ATXN7L1: variants seen among roughly 807,000 people sequenced by gnomAD.
ATXN7L1 encodes ataxin-7-like protein 1.
In ATXN7L1, 15 loss-of-function variants were observed where a neutral mutation model predicts 70.8. The observed-to-expected ratio is 0.21, with a 90% CI of 0.14 to 0.33. The LOEUF (loss-of-function observed/expected upper bound fraction) is 0.33, where lower values mean the gene tolerates loss of function less well. Ranked by LOEUF, ATXN7L1 falls within the 10% of genes least tolerant of loss-of-function variation. The probability of loss-of-function intolerance (pLI) is 1.00; values close to 1 mark genes in which losing one functional copy is unlikely to be tolerated. For missense variants in ATXN7L1, 975 were observed against 1,097.1 expected (o/e 0.89, Z 1.57); for synonymous variants, 440 against 445.1 (o/e 0.99, Z 0.14).
At chr7:105,827,780 A>C (rs547031374) in intron 2 of ATXN7L1, among the ~76,000 whole-genome samples, 26 of 152,304 alleles carry the variant, frequency 1.7e-4, no homozygotes, top group African/African-American at 6.3e-4. Flanking sequence ...TCTTGGGCTT[A>C]GTGGTTTTCC....
rs1563049227 is a variant in ATXN7L1, at chr7:105,733,674, C to CTATG, written c.355+54929_355+54930insCATA. Among the ~76,000 whole-genome samples the CTATG allele has an allele frequency of 3.3e-4, 42 of 126,774 alleles. 3 individuals are homozygous for CTATG. The highest frequency in any genetic ancestry group is 4.8e-4 in the Non-Finnish European group (28 of 57,986). 83.2% of individuals were successfully genotyped at this position (126,774 alleles called of 152,430 possible). A position where few individuals can be genotyped will look rare whatever the true frequency, so the allele number is the denominator to read the frequency against. ...TCCATCCATCCATCCATCCATCCAT[C>CTATG]CATCCACCCATCCACCCATCCATCC... is the stretch of plus-strand genomic sequence containing the variant. On this transcript the variant is annotated intron_variant, in intron 3 of 11. Coordinates refer to ENST00000419735, the MANE Select transcript of ATXN7L1 (RefSeq NM_020725.2).
At chr7:105,764,888 C>G (rs1308873652) in intron 3 of ATXN7L1, among the ~76,000 whole-genome samples, 1 of 151,476 alleles carries the variant, frequency 6.6e-6, no homozygotes, top group Non-Finnish European at 1.5e-5. Flanking sequence ...CTGGCTCAGG[C>G]TTTTAGGCTT....
chr7:105,637,112 G>A (rs1584441189), intron 7 of ATXN7L1, among the ~76,000 whole-genome samples: 2 of 152,152 alleles, frequency 1.3e-5, no homozygotes, highest in African/African-American at 4.8e-5. Context: ...ACGCCACGAT[G>A]GTGAGCATGA....
intron 2 of ATXN7L1, among the ~76,000 whole-genome samples, chr7:105,794,897 A>G (rs1473029616): frequency 2.6e-5 from 4 of 152,354 alleles, no homozygotes; most frequent in Non-Finnish European, 5.9e-5. Flanking sequence ...TTATAAATTT[A>G]TCACACTCTT....
intron 3 of ATXN7L1, among the ~76,000 whole-genome samples, chr7:105,779,527 T>C (rs750386238): frequency 6.6e-6 from 1 of 152,224 alleles, no homozygotes; most frequent in Non-Finnish European, 1.5e-5. Flanking sequence ...GGATAATCCT[T>C]CGTTAATCAG....
chr7:105,729,358 C>T lies in ATXN7L1; in HGVS notation c.355+59246G>A, dbSNP rs189775240. On this transcript the variant is annotated intron_variant, in intron 3 of 11. Coordinates refer to ENST00000419735, the MANE Select transcript of ATXN7L1 (RefSeq NM_020725.2). The stretch of plus-strand genomic sequence containing the variant: ...AAATGGAGGAGAAGATACAAATTTT[C>T]CTTGCAGAAAAATTCCAAATAATAT... 1.8e-3 allele frequency among the ~76,000 whole-genome samples: 265 copies of T among 150,980 alleles called. 1 individual carries two copies. Among genetic ancestry groups the T allele is most frequent in the African/African-American group, 6.2e-3 (257 of 41,206 alleles).
At chr7:105,707,034 C>T (rs963322251) in intron 3 of ATXN7L1, among the ~76,000 whole-genome samples, 2 of 152,202 alleles carry the variant, frequency 1.3e-5, no homozygotes, top group African/African-American at 4.8e-5. Flanking sequence ...TTGTTCCATG[C>T]AATGCACAGC....
chr7:105,774,260 T>A (rs1251033526), intron 3 of ATXN7L1, among the ~76,000 whole-genome samples: 1 of 152,056 alleles, frequency 6.6e-6, no homozygotes, highest in African/African-American at 2.4e-5. Flanking sequence ...GAAACTTGAT[T>A]CATGTTTTTG....
intron 3 of ATXN7L1, among the ~76,000 whole-genome samples, chr7:105,782,271 T>C (rs1283198247): frequency 6.6e-6 from 1 of 152,216 alleles, no homozygotes; most frequent in Non-Finnish European, 1.5e-5. Context: ...GAACTGGGAC[T>C]CCCAAGGTAA....
At chr7:105,611,992 GT>G (rs1562883945) in intron 10 of ATXN7L1, among the ~76,000 whole-genome samples, 1 of 152,256 alleles carries the variant, frequency 6.6e-6, no homozygotes, top group African/African-American at 2.4e-5. Context: ...AAATGCATCC[GT>G]TTTTTTGAAT....
At chr7:105,812,537 G>A (rs185452928) in intron 2 of ATXN7L1, among the ~76,000 whole-genome samples, 80 of 152,298 alleles carry the variant, frequency 5.3e-4, no homozygotes, top group Middle Eastern at 3.4e-3. Flanking sequence ...TATCATCAAT[G>A]TCTTTACTCG....
rs1259139609 is a variant in ATXN7L1, at chr7:105,850,174, TAGAG to T, written c.250+25634_250+25637del. 7.8e-4 allele frequency among the ~76,000 whole-genome samples: 119 copies of T among 152,358 alleles called. 1 individual carries two copies. The highest frequency in any genetic ancestry group is 6.2e-4 in the South Asian group (3 of 4,826). Reference sequence around the variant, plus strand: ...ATAAAAAAATACTTTCCTGTAGAATTAGAGTTGAACTGACATTCTGAAAGATGTG... The same window carrying T: ...ATAAAAAAATACTTTCCTGTAGAATTTTGAACTGACATTCTGAAAGATGTG... On this transcript the variant is annotated intron_variant, in intron 2 of 11. Transcript: ENST00000419735.
intron 4 of ATXN7L1, among the ~76,000 whole-genome samples, chr7:105,653,567 C>T (rs542019601): frequency 7.9e-5 from 12 of 152,212 alleles, no homozygotes; most frequent in African/African-American, 1.2e-4. Flanking sequence ...AAGTCCACCT[C>T]TTAAACAGCT....
chr7:105,815,352 C>T (rs957073535), intron 2 of ATXN7L1, among the ~76,000 whole-genome samples: 1 of 152,174 alleles, frequency 6.6e-6, no homozygotes, highest in Admixed American at 6.5e-5. Flanking sequence ...ATTTTGAAAC[C>T]CCTAACTGTT....
At chr7:105,787,181 C>T (rs1052448063) in intron 3 of ATXN7L1, among the ~76,000 whole-genome samples, 5 of 152,236 alleles carry the variant, frequency 3.3e-5, no homozygotes, top group African/African-American at 1.2e-4. Flanking sequence ...ACACGACTTG[C>T]TCCTTTCCTG....
At chr7:105,773,540 G>A (rs1362299891) in intron 3 of ATXN7L1, among the ~76,000 whole-genome samples, 1 of 152,148 alleles carries the variant, frequency 6.6e-6, no homozygotes, top group African/African-American at 2.4e-5. Context: ...CTGTTTGTAG[G>A]GGACCTTCTG....
rs183531980 is a variant in ATXN7L1, at chr7:105,753,975, C to T, written c.355+34629G>A. ...GAGATCTAGTTACAGCTCTGCCCCC[C>T]CAAAAGCCATTTTAATCCTTCTCGG... On this transcript the variant is annotated intron_variant, in intron 3 of 11. Transcript: ENST00000419735. 5.1e-5 allele frequency among the ~76,000 whole-genome samples: 6 copies of T among 117,004 alleles called. No homozygotes were observed. The East Asian group carries it at 2.7e-3, about 52-fold the overall frequency. 76.8% of individuals were successfully genotyped at this position (117,004 alleles called of 152,430 possible). A position where few individuals can be genotyped will look rare whatever the true frequency, so the allele number is the denominator to read the frequency against.
chr7:105,841,462 T>C (rs993113496), intron 2 of ATXN7L1, among the ~76,000 whole-genome samples: 1 of 152,128 alleles, frequency 6.6e-6, no homozygotes. Context: ...AATTCATAGG[T>C]TTTAAATTGT....
chr7:105,850,678 T>C (rs1192810232), intron 2 of ATXN7L1, among the ~76,000 whole-genome samples: 1 of 152,160 alleles, frequency 6.6e-6, no homozygotes, highest in African/African-American at 2.4e-5. Flanking sequence ...GACACTGTGG[T>C]GTCTCCTTCT....
Sources: gnomAD v4.1 joint callset for allele counts (sites outside exome capture counted in the v4.1 genomes callset) on GRCh38, gnomAD v4.1.1 for gene constraint, MANE v1.5 for transcripts, NCBI Gene and HGNC (gene_info 2026-07-23, HGNC 2026-07-21) for gene names.